The following ZCCHC7 variants were observed in gnomAD, a reference collection of about 807,000 sequenced individuals.
ZCCHC7 encodes the protein zinc finger CCHC domain-containing protein 7.
Under a neutral mutation model 52.0 loss-of-function variants are expected in ZCCHC7, and 35 were observed. The observed-to-expected ratio is 0.67, with a 90% CI of 0.51 to 0.89. The LOEUF (loss-of-function observed/expected upper bound fraction) is 0.89, where lower values mean the gene tolerates loss of function less well. ZCCHC7 is among the 40% of genes least tolerant of loss of function. ZCCHC7 has a pLI of 0.00. For synonymous variants in ZCCHC7, 217 were observed against 221.5 expected, an observed-to-expected ratio of 0.98 and a Z score of 0.18; for missense variants, 574 against 649.1, an observed-to-expected ratio of 0.88 and a Z score of 1.26.
chr9:37,139,822 C>G (rs1049056769), intron 2 of ZCCHC7, among the ~76,000 whole-genome samples: 1 of 151,838 alleles, frequency 6.6e-6, no homozygotes, highest in African/African-American at 2.4e-5. Context: ...TTGGCAGTTC[C>G]CTTAAGTCAT....
intron 5 of ZCCHC7, among the ~76,000 whole-genome samples, chr9:37,311,706 C>G (rs1829610274): frequency 6.6e-6 from 1 of 152,122 alleles, no homozygotes; most frequent in Non-Finnish European, 1.5e-5. Flanking sequence ...CTACTGCGCC[C>G]GGCCTTTTTA....
chr9:37,230,434 A>G (rs990237806), intron 2 of ZCCHC7, among the ~76,000 whole-genome samples: 2 of 152,156 alleles, frequency 1.3e-5, no homozygotes, highest in African/African-American at 4.8e-5. Flanking sequence ...ATGGTGTGTG[A>G]TCATATATTG....
At chr9:37,230,248 A>G (rs1333581795) in intron 2 of ZCCHC7, among the ~76,000 whole-genome samples, 3 of 152,226 alleles carry the variant, frequency 2.0e-5, no homozygotes, top group African/African-American at 7.2e-5. Flanking sequence ...AGTATTATGT[A>G]CTGTGCATAA....
intron 2 of ZCCHC7, among the ~76,000 whole-genome samples, chr9:37,211,704 G>A (rs1472190313): frequency 6.6e-6 from 1 of 152,152 alleles, no homozygotes; most frequent in Non-Finnish European, 1.5e-5. Flanking sequence ...ACTGTTGCTA[G>A]TGTAAAACAT....
intron 5 of ZCCHC7, among the ~76,000 whole-genome samples, chr9:37,316,663 G>A (rs953508026): frequency 3.3e-5 from 5 of 152,066 alleles, no homozygotes; most frequent in African/African-American, 1.2e-4. Flanking sequence ...ACAATGGAAG[G>A]GTCTTTTAAT....
chr9:37,307,476 A>G (rs1588646476), intron 5 of ZCCHC7, among the ~76,000 whole-genome samples: 1 of 152,182 alleles, frequency 6.6e-6, no homozygotes, highest in Non-Finnish European at 1.5e-5. Context: ...TTTAAGGGGT[A>G]TTTATGAAAG....
At chr9:37,201,768 G>C (rs895416953) in intron 2 of ZCCHC7, among the ~76,000 whole-genome samples, 1 of 152,136 alleles carries the variant, frequency 6.6e-6, no homozygotes, top group Non-Finnish European at 1.5e-5. Flanking sequence ...GTAATGGTAG[G>C]GCTTCTAAGC....
intron 2 of ZCCHC7, among the ~76,000 whole-genome samples, chr9:37,223,711 G>A (rs1824946150): frequency 1.3e-5 from 2 of 152,176 alleles, no homozygotes; most frequent in South Asian, 4.1e-4. Context: ...TCACTTACAG[G>A]AATTTGTTCT....
At chr9:37,198,871 A>C (rs1010513988) in intron 2 of ZCCHC7, among the ~76,000 whole-genome samples, 1 of 152,088 alleles carries the variant, frequency 6.6e-6, no homozygotes, top group Non-Finnish European at 1.5e-5. Flanking sequence ...CGTGTTCAAT[A>C]CCTTTTTTGC....
At chr9:37,286,198 G>A (rs1467973292) in intron 2 of ZCCHC7, among the ~76,000 whole-genome samples, 1 of 152,142 alleles carries the variant, frequency 6.6e-6, no homozygotes, top group African/African-American at 2.4e-5. Context: ...TTGGTTAAGA[G>A]CATGGTTTGG....
intron 2 of ZCCHC7, among the ~76,000 whole-genome samples, chr9:37,249,241 A>G (rs1826205926): frequency 6.6e-6 from 1 of 152,060 alleles, no homozygotes; most frequent in Non-Finnish European, 1.5e-5. Context: ...CTCAGAAGGG[A>G]GAATGGTCAT....
intron 6 of ZCCHC7, 69 bp downstream of exon 6, chr9:37,327,903 A>G (rs958694453): frequency 2.2e-5 from 33 of 1,511,044 alleles, no homozygotes; most frequent in Non-Finnish European, 2.9e-5. Flanking sequence ...ACTGCTGACC[A>G]TAAAATATAG....
chr9:37,153,134 A>G (rs1040194845), intron 2 of ZCCHC7, among the ~76,000 whole-genome samples: 1 of 151,312 alleles, frequency 6.6e-6, no homozygotes, highest in Admixed American at 6.6e-5. Context: ...TTATTTTTTA[A>G]AATTTTATTT....
chr9:37,284,294 C>T (rs1047624514), intron 2 of ZCCHC7: 14 of 152,040 alleles, frequency 9.2e-5, no homozygotes, highest in South Asian at 4.2e-4. Context: ...AGACTCTAAG[C>T]GAACAATATC....
chr9:37,356,904 C>T lies in ZCCHC7; in HGVS notation c.1268C>T (p.Pro423Leu), dbSNP rs1274933943. Residue 423 changes from proline to leucine, a missense_variant, in exon 9 of 9, where the codon CCC (proline) becomes CTC (leucine). Pro to Leu is a moderately conservative substitution (Grantham distance 98). Around this residue, in one of 3 missense-constraint regions of ZCCHC7, gnomAD observed 168 missense variants for 171.6 expected, o/e 0.98. Transcript: ENST00000336755. ...LPYIKAANEN[P>L]HHDIRKGRAS... is the part of the protein sequence containing the mutation. The stretch of plus-strand genomic sequence containing the variant: ...TATATAAAAGCAGCAAATGAGAACC[C>T]CCACCATGATATAAGGAAGGGCCGT... 2 of 1,613,440 alleles carry T rather than the reference C, an allele frequency of 1.2e-6. No homozygotes were observed. The highest frequency in any genetic ancestry group is 3.3e-5 in the Admixed American group (2 of 59,896).
At chr9:37,337,036 A>G (rs1830701444) in intron 6 of ZCCHC7, among the ~76,000 whole-genome samples, 1 of 152,170 alleles carries the variant, frequency 6.6e-6, no homozygotes, top group Non-Finnish European at 1.5e-5. Context: ...TGAGAGGATT[A>G]TTTAACCTTT....
chr9:37,247,269 A>T (rs1008554958), intron 2 of ZCCHC7, among the ~76,000 whole-genome samples: 4 of 152,288 alleles, frequency 2.6e-5, no homozygotes, highest in Admixed American at 2.6e-4. Context: ...TGCTGTTTCC[A>T]GTTTAAAAAT....
At chr9:37,165,889 G>A (rs757503485) in intron 2 of ZCCHC7, among the ~76,000 whole-genome samples, 1 of 152,020 alleles carries the variant, frequency 6.6e-6, no homozygotes, top group Non-Finnish European at 1.5e-5. Context: ...ATTAGTCTTC[G>A]GCCAACTGAG....
chr9:37,181,619 G>T lies in ZCCHC7; in HGVS notation c.610+54677G>T, dbSNP rs117186409. Among the ~76,000 whole-genome samples the T allele has an allele frequency of 1.8e-4, 27 of 152,254 alleles. No individual in the cohort carries two copies. The East Asian group carries it at 4.4e-3, about 25-fold the overall frequency. ...TTAGTGAAAGAAATGAGACACCAAA[G>T]GCCACAAAATATGTGATTCCATTTA... On this transcript the variant is annotated intron_variant, in intron 2 of 8. Transcript: ENST00000336755.
Sources: gnomAD v4.1 joint callset for allele counts (sites outside exome capture counted in the v4.1 genomes callset) on GRCh38, gnomAD v4.1.1 for gene constraint, gnomAD v4.1.1 regional missense constraint, MANE v1.5 for transcripts, NCBI Gene and HGNC (gene_info 2026-07-23, HGNC 2026-07-21) for gene names.